Variants in PDZD9 observed in about 807,000 individuals in gnomAD.
PDZD9 encodes PDZ domain-containing protein 9.
PDZD9 carries 13 observed loss-of-function variants against 16.3 expected under a neutral mutation model. The observed-to-expected ratio is 0.80, with a 90% CI of 0.52 to 1.27. The LOEUF is 1.27. Ranked by LOEUF, PDZD9 falls within the 50% of genes most tolerant of loss-of-function variation. The probability of loss-of-function intolerance (pLI) is 0.00; values close to 1 mark genes in which losing one functional copy is unlikely to be tolerated. For missense variants in PDZD9, 288 were observed against 310.9 expected (o/e 0.93, Z 0.55); for synonymous variants, 120 against 111.0 (o/e 1.08, Z -0.51).
the PDZD9 span, among the ~76,000 whole-genome samples, chr16:21,975,625 C>T: frequency 1.3e-5 from 2 of 152,260 alleles, no homozygotes; most frequent in South Asian, 4.1e-4. Context: ...TACAAGGATT[C>T]AGATTCCTTC....
the PDZD9 span, among the ~76,000 whole-genome samples, chr16:21,965,721 A>G: frequency 6.6e-6 from 1 of 152,224 alleles, no homozygotes; most frequent in East Asian, 1.9e-4. Flanking sequence ...GGACATGATC[A>G]TTACAGAAAA....
the PDZD9 span, chr16:21,973,998 C>T: frequency 1.3e-6 from 2 of 1,588,636 alleles, no homozygotes; most frequent in South Asian, 1.1e-5. Context: ...ACTCACCAAA[C>T]TTCTTTCATG....
At chr16:21,980,686 G>A, downstream of PDZD9, 2 of 1,613,408 alleles carry the variant, frequency 1.2e-6, no homozygotes, top group Non-Finnish European at 1.7e-6. Flanking sequence ...AGTGGCTAAT[G>A]CTGATATCAT....
chr16:21,965,422 T>A, the PDZD9 span: 1 of 1,613,926 alleles, frequency 6.2e-7, no homozygotes, highest in East Asian at 2.2e-5. Flanking sequence ...CATTGAAAAT[T>A]TGCATGCAGC....
chr16:21,962,467 G>A, the PDZD9 span: 7 of 1,614,084 alleles, frequency 4.3e-6, 1 homozygote, highest in South Asian at 5.5e-5. Context: ...CAGTGTGACC[G>A]CAACAAGGGA....
intron 2 of PDZD9, among the ~76,000 whole-genome samples, chr16:21,990,818 G>A (rs918770308): frequency 2.6e-5 from 4 of 152,134 alleles, no homozygotes; most frequent in South Asian, 2.1e-4. Context: ...TTTCCTGACC[G>A]TTCTGGCTGT....
At chr16:21,963,093 A>G in the PDZD9 span, 3 of 441,110 alleles carry the variant, frequency 6.8e-6, no homozygotes, top group African/African-American at 2.0e-5. Context: ...GGTTCAAGCA[A>G]TTCTCCTGCC....
At chr16:21,964,237 A>G in the PDZD9 span, among the ~76,000 whole-genome samples, 14 of 152,306 alleles carry the variant, frequency 9.2e-5, no homozygotes, top group Non-Finnish European at 1.8e-4. Flanking sequence ...AATTTTAGAA[A>G]AGATGACCTA....
intron 2 of PDZD9, among the ~76,000 whole-genome samples, chr16:21,989,269 A>G (rs1898964334): frequency 6.6e-6 from 1 of 152,128 alleles, no homozygotes; most frequent in Admixed American, 6.6e-5. Flanking sequence ...TGTCCATGAT[A>G]TGAATGTCCT....
At chr16:21,979,842 C>T (rs552352132), downstream of PDZD9, among the ~76,000 whole-genome samples, 111 of 152,266 alleles carry the variant, frequency 7.3e-4, no homozygotes, top group Non-Finnish European at 1.1e-3. Context: ...ACGGGACCAC[C>T]ATCATATATG....
chr16:21,982,465 CTA>C (rs1356520370), downstream of PDZD9, among the ~76,000 whole-genome samples: 1 of 152,196 alleles, frequency 6.6e-6, no homozygotes, highest in Admixed American at 6.5e-5. Context: ...CCACACTACT[CTA>C]TTTGACAGTG....
At chr16:21,961,651 T>TATATATATAC in the PDZD9 span, among the ~76,000 whole-genome samples, 1 of 105,338 alleles carries the variant, frequency 9.5e-6, no homozygotes, top group South Asian at 2.6e-4. Flanking sequence ...TATATATATA[T>TATATATATAC]ATATATATAT....
At chr16:21,972,093 G>A in the PDZD9 span, 1 of 1,613,966 alleles carries the variant, frequency 6.2e-7, no homozygotes, top group Non-Finnish European at 8.5e-7. Flanking sequence ...GCACCAGGCT[G>A]TTGCCAAGGC....
intron 2 of PDZD9, among the ~76,000 whole-genome samples, 185 bp from the exon 3 acceptor site, chr16:21,988,976 T>TG (rs2046042379): frequency 6.7e-6 from 1 of 149,208 alleles, no homozygotes; most frequent in Non-Finnish European, 1.5e-5. Flanking sequence ...TCACCCATGC[T>TG]GGAGTGCAGT....
chr16:21,972,710 T>A, the PDZD9 span, among the ~76,000 whole-genome samples: 1 of 152,064 alleles, frequency 6.6e-6, no homozygotes, highest in African/African-American at 2.4e-5. Context: ...CCCCCATCTC[T>A]CCTAATCCAA....
At chr16:21,989,541 G>A (rs1324935012) in intron 2 of PDZD9, among the ~76,000 whole-genome samples, 1 of 152,156 alleles carries the variant, frequency 6.6e-6, no homozygotes, top group Non-Finnish European at 1.5e-5. Flanking sequence ...AATTTCCAGT[G>A]CCCTCCACAG....
chr16:21,996,217 T>C (rs1899144357), intron 2 of PDZD9, 105 bp downstream of exon 2: 1 of 1,305,906 alleles, frequency 7.7e-7, no homozygotes, highest in African/African-American at 1.5e-5. Flanking sequence ...TGAGCCAGCA[T>C]GCCCGTCATA....
chr16:21,976,062 G>A, the PDZD9 span: 1 of 720,572 alleles, frequency 1.4e-6, no homozygotes, highest in South Asian at 1.7e-5. Flanking sequence ...TGTTTGTCTG[G>A]AACTAACCTT....
At chr16:21,980,355 C>T, downstream of PDZD9, 2 of 638,228 alleles carry the variant, frequency 3.1e-6, no homozygotes, top group South Asian at 2.3e-5. Flanking sequence ...GACTTCTTCC[C>T]TTCAGACTTA....
Sources: gnomAD v4.1 joint callset for allele counts (sites outside exome capture counted in the v4.1 genomes callset) on GRCh38, gnomAD v4.1.1 for gene constraint, MANE v1.5 for transcripts, NCBI Gene and HGNC (gene_info 2026-07-23, HGNC 2026-07-21) for gene names.